The following ZNF148 variants were observed in gnomAD, a reference collection of about 807,000 sequenced individuals.
ZNF148 encodes zinc finger protein 148.
Under a neutral mutation model 67.7 loss-of-function variants are expected in ZNF148, and 7 were observed. That is an observed-to-expected ratio of 0.10 (90% CI 0.06 to 0.19). The LOEUF (loss-of-function observed/expected upper bound fraction) is 0.19. ZNF148 is among the 10% of genes least tolerant of loss of function. The pLI, the probability that ZNF148 is intolerant of heterozygous loss-of-function variation, is 1.00. For missense variants in ZNF148, 583 were observed against 947.1 expected (o/e 0.62, Z 5.05); for synonymous variants, 333 against 330.7 (o/e 1.01, Z -0.08).
At chr3:125,336,924 C>T (rs1050527533) in intron 1 of ZNF148, among the ~76,000 whole-genome samples, 1 of 150,814 alleles carries the variant, frequency 6.6e-6, no homozygotes. Context: ...ATCCACCCGC[C>T]GTGGCCTCCC....
In ZNF148 at chr3:125,308,766, C is replaced by G. The variant is rs145308884; in HGVS notation, c.333+4542G>C. 9.7e-4 allele frequency among the ~76,000 whole-genome samples: 147 copies of G among 152,128 alleles called. 1 individual carries two copies. Among genetic ancestry groups the G allele is most frequent in the African/African-American group, 3.1e-3 (127 of 41,502 alleles). ...GAAATAAGACTTACACAAACACGTA[C>G]CAAGAGAAATGAAAAAAGACTTGTA... is the stretch of plus-strand genomic sequence containing the variant. On this transcript the variant is annotated intron_variant, in intron 4 of 8. Transcript: ENST00000360647.
chr3:125,290,726 A>G (rs1202024425), intron 4 of ZNF148, among the ~76,000 whole-genome samples: 1 of 152,146 alleles, frequency 6.6e-6, no homozygotes. Flanking sequence ...TTTCCTTTTC[A>G]AAGGTCTTAA....
At chr3:125,317,662 T>TATATATATAGAGAGAGAG (rs752542874) in intron 3 of ZNF148, among the ~76,000 whole-genome samples, 17 of 90,044 alleles carry the variant, frequency 1.9e-4, no homozygotes, top group African/African-American at 5.9e-4. Flanking sequence ...TATATATATA[T>TATATATATAGAGAGAGAG]AGAGAGAGAG....
chr3:125,265,390 T>C (rs968322715), intron 7 of ZNF148, among the ~76,000 whole-genome samples: 3 of 152,222 alleles, frequency 2.0e-5, no homozygotes, highest in South Asian at 2.1e-4. Context: ...GTCTCTAGCA[T>C]TTTTGTCAAA....
At chr3:125,252,152 T>A (rs1038383174) in intron 7 of ZNF148, among the ~76,000 whole-genome samples, 1 of 152,222 alleles carries the variant, frequency 6.6e-6, no homozygotes, top group Non-Finnish European at 1.5e-5. Context: ...TTAACAGATT[T>A]GTAGAAATTC....
intron 7 of ZNF148, among the ~76,000 whole-genome samples, chr3:125,244,783 C>G (rs887361779): frequency 6.6e-6 from 1 of 152,154 alleles, no homozygotes; most frequent in Non-Finnish European, 1.5e-5. Flanking sequence ...CAGGCATGAG[C>G]CATCGCACCT....
chr3:125,231,303 A>C lies in ZNF148; in HGVS notation c.*1038T>G, dbSNP rs765505155. ...TCCAAAGATATCCCAATTTCCTTTT[A>C]TTGCCAAAAGTTAAAATTGTCAATT... On this transcript the variant is annotated 3_prime_UTR_variant, in exon 9 of 9. Transcript: ENST00000360647. 1 of 152,536 alleles carries C rather than the reference A, an allele frequency of 6.6e-6. No individual in the cohort carries two copies. The highest frequency in any genetic ancestry group is 6.6e-5 in the Admixed American group (1 of 15,266). 9.4% of individuals were successfully genotyped at this position (152,536 alleles called of 1,614,324 possible). A position where few individuals can be genotyped will look rare whatever the true frequency, so the allele number is the denominator to read the frequency against.
intron 7 of ZNF148, among the ~76,000 whole-genome samples, chr3:125,261,753 T>C (rs1482987421): frequency 6.7e-6 from 1 of 149,902 alleles, no homozygotes; most frequent in African/African-American, 2.5e-5. Context: ...TAAATGACAG[T>C]GTCACCAAGA....
In ZNF148 at chr3:125,337,050, T is replaced by A. The variant is rs115834397; in HGVS notation, c.-233-5812A>T. 3.3e-3 allele frequency among the ~76,000 whole-genome samples: 494 copies of A among 151,844 alleles called. 6 individuals carry two copies. Among genetic ancestry groups the A allele is most frequent in the African/African-American group, 0.011 (475 of 41,374 alleles). ...AAAAAAAAAATCAAGCCAAAATCTT[T>A]AAAACTTTGTAATTAGTGTGGTTAC... is the stretch of plus-strand genomic sequence containing the variant. On this transcript the variant is annotated intron_variant, in intron 1 of 8. Coordinates refer to ENST00000360647, the MANE Select transcript of ZNF148 (RefSeq NM_021964.3).
intron 1 of ZNF148, among the ~76,000 whole-genome samples, chr3:125,334,781 A>G (rs1941423979): frequency 6.6e-6 from 1 of 151,844 alleles, no homozygotes. Flanking sequence ...CTTATCCCCC[A>G]CCCATCAACG....
chr3:125,311,630 A>G (rs1940219333), intron 4 of ZNF148, among the ~76,000 whole-genome samples: 1 of 152,090 alleles, frequency 6.6e-6, no homozygotes, highest in Non-Finnish European at 1.5e-5. Context: ...ACCCTATATA[A>G]TTTAACTTAG....
At chr3:125,234,788 A>C (rs537276964) in intron 7 of ZNF148, among the ~76,000 whole-genome samples, 1 of 152,174 alleles carries the variant, frequency 6.6e-6, no homozygotes, top group Non-Finnish European at 1.5e-5. Context: ...AATATCCTTT[A>C]AAATCTAATT....
intron 7 of ZNF148, among the ~76,000 whole-genome samples, chr3:125,241,735 C>T (rs138045770): frequency 5.3e-4 from 81 of 152,280 alleles, no homozygotes; most frequent in African/African-American, 1.8e-3. Flanking sequence ...TGTATTAATT[C>T]ACATATATGC....
intron 3 of ZNF148, among the ~76,000 whole-genome samples, chr3:125,315,707 CAAAA>C (rs35145293): frequency 8.8e-6 from 1 of 113,410 alleles, no homozygotes. Context: ...GACTCCATCT[CAAAA>C]AAAAAAAAAA....
chr3:125,346,158 G>T lies in ZNF148; in HGVS notation c.-233-14920C>A, dbSNP rs1941933934. ...GTAGGATTTATCTCAGAAATGCAAG[G>T]TTGGCTTAAGATTTGAAAATCAATA... On this transcript the variant is annotated intron_variant, in intron 1 of 8. Transcript: ENST00000360647. Among the ~76,000 whole-genome samples, 5 of 152,156 alleles carry T rather than the reference G, an allele frequency of 3.3e-5. No individual in the cohort carries two copies. The South Asian group carries it at 1.0e-3, about 31-fold the overall frequency.
intron 4 of ZNF148, among the ~76,000 whole-genome samples, chr3:125,308,536 A>C (rs1329770997): frequency 2.4e-5 from 3 of 125,160 alleles, no homozygotes; most frequent in East Asian, 2.1e-4. Context: ...TAAAAAAAAA[A>C]AAAACAAAAA....
chr3:125,297,325 G>A (rs960046667), intron 4 of ZNF148, among the ~76,000 whole-genome samples: 1 of 151,982 alleles, frequency 6.6e-6, no homozygotes, highest in African/African-American at 2.4e-5. Context: ...AATGGGAACG[G>A]AAAACCATAA....
At chr3:125,278,714 T>A (rs541248046) in intron 6 of ZNF148, among the ~76,000 whole-genome samples, 1 of 152,312 alleles carries the variant, frequency 6.6e-6, no homozygotes, top group African/African-American at 2.4e-5. Context: ...AGGTCTGTCA[T>A]CTTTAATACT....
At chr3:125,296,986 T>C (rs9860377) in intron 4 of ZNF148, among the ~76,000 whole-genome samples, 117,076 of 151,898 alleles carry the variant, frequency 0.77, 45,676 homozygotes, top group African/African-American at 0.85. Flanking sequence ...CATTAAAATG[T>C]TAGCAATGGT....
Sources: allele counts gnomAD v4.1 joint callset (sites outside exome capture counted in the v4.1 genomes callset), GRCh38; gene constraint gnomAD v4.1.1; transcripts MANE v1.5; gene names NCBI Gene and HGNC (gene_info 2026-07-23, HGNC 2026-07-21).